The following SUPT3H variants were observed in gnomAD, a reference collection of about 807,000 sequenced individuals.
SUPT3H encodes the protein transcription initiation protein SPT3 homolog.
In SUPT3H, 44 loss-of-function variants were observed where a neutral mutation model predicts 44.3. The observed-to-expected ratio is 0.99, with a 90% CI of 0.78 to 1.28. The LOEUF (loss-of-function observed/expected upper bound fraction) is 1.28, where lower values mean the gene tolerates loss of function less well. Ranked by LOEUF, SUPT3H falls within the 50% of genes most tolerant of loss-of-function variation. The probability of loss-of-function intolerance (pLI) is 0.00; values close to 1 mark genes in which losing one functional copy is unlikely to be tolerated. For missense variants in SUPT3H, 380 were observed against 387.1 expected (o/e 0.98, Z 0.15); for synonymous variants, 124 against 125.6 (o/e 0.99, Z 0.09).
intron 2 of SUPT3H, among the ~76,000 whole-genome samples, chr6:45,311,697 T>C (rs1783977749): frequency 6.6e-6 from 1 of 152,170 alleles, no homozygotes; most frequent in Admixed American, 6.5e-5. Flanking sequence ...GCCAAGAATT[T>C]TGTATCCAGC....
intron 2 of SUPT3H, among the ~76,000 whole-genome samples, chr6:45,266,437 C>T (rs1775280105): frequency 6.6e-6 from 1 of 151,762 alleles, no homozygotes; most frequent in South Asian, 2.1e-4. Context: ...ATGGAAAACT[C>T]AGTTGATATC....
intron 10 of SUPT3H, among the ~76,000 whole-genome samples, chr6:44,870,119 G>A (rs1157397407): frequency 6.6e-6 from 1 of 152,042 alleles, no homozygotes; most frequent in African/African-American, 2.4e-5. Flanking sequence ...GTCCTTTTTA[G>A]TGATTTAACT....
At chr6:45,115,595 A>G (rs1414847672) in intron 2 of SUPT3H, among the ~76,000 whole-genome samples, 3 of 152,190 alleles carry the variant, frequency 2.0e-5, no homozygotes, top group African/African-American at 7.2e-5. Flanking sequence ...ATTTAAACAA[A>G]CAAACAAAAC....
chr6:45,359,080 CT>C (rs1482085056), intron 2 of SUPT3H, among the ~76,000 whole-genome samples: 1 of 152,040 alleles, frequency 6.6e-6, no homozygotes, highest in Non-Finnish European at 1.5e-5. Flanking sequence ...ACTTTTTTCC[CT>C]GGTAATTACA....
At chr6:45,315,124 T>C (rs917802452) in intron 2 of SUPT3H, among the ~76,000 whole-genome samples, 1 of 152,164 alleles carries the variant, frequency 6.6e-6, no homozygotes, top group South Asian at 2.1e-4. Context: ...TCTCACCTTA[T>C]ACAAAAATCA....
At chr6:45,017,230 A>G (rs1784431276) in intron 4 of SUPT3H, among the ~76,000 whole-genome samples, 2 of 149,712 alleles carry the variant, frequency 1.3e-5, no homozygotes. Context: ...AGTTCATTGT[A>G]GATTCTGGAT....
chr6:45,328,515 G>T, intron 2 of SUPT3H: 6 of 1,546,834 alleles, frequency 3.9e-6, no homozygotes, highest in Middle Eastern at 1.8e-4. Context: ...TCAAATATTT[G>T]CTCATTCTCT....
At chr6:44,888,749 T>A (rs1234670436) in intron 10 of SUPT3H, among the ~76,000 whole-genome samples, 1 of 152,028 alleles carries the variant, frequency 6.6e-6, no homozygotes. Flanking sequence ...CAACATAGTG[T>A]TGGAAGTTCT....
intron 2 of SUPT3H, among the ~76,000 whole-genome samples, chr6:45,210,645 G>C (rs1763939232): frequency 6.6e-6 from 1 of 152,142 alleles, no homozygotes. Flanking sequence ...CATGTCATCA[G>C]AACTTCCTGA....
chr6:45,364,065 A>C (rs1794718880), intron 2 of SUPT3H, among the ~76,000 whole-genome samples: 1 of 151,792 alleles, frequency 6.6e-6, no homozygotes, highest in South Asian at 2.1e-4. Context: ...CAGTGAGCCA[A>C]GATTGTGCCA....
At chr6:45,106,413 T>C (rs1799283716) in intron 2 of SUPT3H, among the ~76,000 whole-genome samples, 1 of 152,100 alleles carries the variant, frequency 6.6e-6, no homozygotes, top group Admixed American at 6.5e-5. Context: ...TCATGGGCAA[T>C]GGAGTCAGAC....
chr6:44,890,714 T>A (rs954958516), intron 10 of SUPT3H, among the ~76,000 whole-genome samples: 4 of 149,024 alleles, frequency 2.7e-5, no homozygotes, highest in African/African-American at 7.4e-5. Context: ...CATATGTAAC[T>A]AACCTGCACA....
At chr6:44,814,996 G>C (rs1413530007) in intron 11 of SUPT3H, among the ~76,000 whole-genome samples, 2 of 151,882 alleles carry the variant, frequency 1.3e-5, no homozygotes, top group African/African-American at 4.8e-5. Context: ...TTTCATAACA[G>C]AAATACTCTG....
intron 2 of SUPT3H, among the ~76,000 whole-genome samples, chr6:45,230,706 C>T (rs1767878820): frequency 1.1e-5 from 1 of 90,980 alleles, no homozygotes; most frequent in African/African-American, 3.9e-5. Context: ...TGGAGTCTTG[C>T]TCTATCACCA....
At chr6:44,872,781 T>C in intron 10 of SUPT3H, among the ~76,000 whole-genome samples, 1 of 46,660 alleles carries the variant, frequency 2.1e-5, no homozygotes, top group Admixed American at 2.6e-4. Flanking sequence ...ACACATAGGC[T>C]CAAAATAAAA....
chr6:44,944,440 A>G (rs943985703), intron 9 of SUPT3H, among the ~76,000 whole-genome samples: 1 of 152,076 alleles, frequency 6.6e-6, no homozygotes, highest in Non-Finnish European at 1.5e-5. Context: ...TACATCAAAT[A>G]TCACAGAATT....
At chr6:45,026,874 A>C (rs1786091463) in intron 3 of SUPT3H, among the ~76,000 whole-genome samples, 2 of 152,112 alleles carry the variant, frequency 1.3e-5, no homozygotes, top group African/African-American at 4.8e-5. Context: ...TGTTATACCA[A>C]ACTATTTTTG....
intron 2 of SUPT3H, among the ~76,000 whole-genome samples, chr6:45,351,957 T>A (rs1792142001): frequency 6.6e-6 from 1 of 152,092 alleles, no homozygotes; most frequent in Non-Finnish European, 1.5e-5. Context: ...CTAATTAGCT[T>A]TCTGTCCCTA....
chr6:44,854,529 C>G (rs2153422861), intron 10 of SUPT3H, among the ~76,000 whole-genome samples: 1 of 152,230 alleles, frequency 6.6e-6, no homozygotes, highest in South Asian at 2.1e-4. Flanking sequence ...TGTTACTGAA[C>G]AGCTTCTCTC....
Sources: allele counts gnomAD v4.1 joint callset (sites outside exome capture counted in the v4.1 genomes callset), GRCh38; gene constraint gnomAD v4.1.1; transcripts MANE v1.5; gene names NCBI Gene and HGNC (gene_info 2026-07-23, HGNC 2026-07-21).